Variants in MEX3D observed in about 807,000 individuals in gnomAD.
MEX3D encodes the protein mex-3 RNA binding family member D, also known as RNA-binding protein MEX3D.
MEX3D carries 4 observed loss-of-function variants against 6.3 expected under a neutral mutation model. That is an observed-to-expected ratio of 0.64 (90% CI 0.31 to 1.46). The LOEUF (loss-of-function observed/expected upper bound fraction) is 1.46, where lower values mean the gene tolerates loss of function less well. Ranked by LOEUF, MEX3D falls within the 40% of genes most tolerant of loss-of-function variation. MEX3D has a pLI of 0.07. For missense variants in MEX3D, 1,038 were observed against 994.4 expected, an observed-to-expected ratio of 1.04 and a Z score of -0.59; for synonymous variants, 626 against 494.1, an observed-to-expected ratio of 1.27 and a Z score of -3.54.
In MEX3D at chr19:1,556,309, C is replaced by T. The variant is rs1018758309; in HGVS notation, c.1210G>A (p.Ala404Thr). Reference protein sequence around the residue: ...TALGAPSAPEAFYAGSRGGPS... With the variant: ...TALGAPSAPETFYAGSRGGPS... ...CCGCCGCGGCTGCCCGCGTAGAAGGCCTCGGGGGCGCTGGGGGCGCCCAGG... is the reference window on the plus strand; with the variant it reads ...CCGCCGCGGCTGCCCGCGTAGAAGGTCTCGGGGGCGCTGGGGGCGCCCAGG... Residue 404 changes from alanine (A) to threonine (T), a missense_variant, in exon 2 of 2, where the codon GCC becomes ACC. By Grantham distance (58) the Ala-to-Thr change is moderately conservative (BLOSUM62 0). Coordinates refer to ENST00000402693, the MANE Select transcript of MEX3D (RefSeq NM_203304.4). This position sits in a 1 kb window ranked among gnomAD's most constrained non-coding sequence, Gnocchi z 7.5. 1.5e-6 allele frequency: 2 copies of T among 1,318,472 alleles called. No homozygotes were observed. The highest frequency in any genetic ancestry group is 1.9e-6 in the Non-Finnish European group (2 of 1,038,982). The allele number at this position is 1,318,472 out of a possible 1,614,324, so 81.7% of individuals were successfully genotyped here.
chr19:1,566,142 A>AT (rs1213490080), intron 1 of MEX3D, among the ~76,000 whole-genome samples: 1 of 152,098 alleles, frequency 6.6e-6, no homozygotes, highest in African/African-American at 2.4e-5. Flanking sequence ...CAGTAACAGG[A>AT]TGGTAGGGCG....
intron 1 of MEX3D, among the ~76,000 whole-genome samples, chr19:1,560,398 T>G (rs1914687297): frequency 6.6e-6 from 1 of 152,192 alleles, no homozygotes. Context: ...CTGTTCCCCA[T>G]CACGCCGACC....
intron 1 of MEX3D, among the ~76,000 whole-genome samples, chr19:1,558,824 G>C (rs1259917660): frequency 6.6e-6 from 1 of 152,218 alleles, no homozygotes; most frequent in Non-Finnish European, 1.5e-5. Flanking sequence ...CTGTGGCTTT[G>C]TTCTTGTTGG....
chr19:1,564,717 T>C (rs945174085), intron 1 of MEX3D, among the ~76,000 whole-genome samples: 1 of 151,864 alleles, frequency 6.6e-6, no homozygotes, highest in Non-Finnish European at 1.5e-5. Flanking sequence ...GTGCCAGGCC[T>C]GTGTGACTCT....
intron 1 of MEX3D, among the ~76,000 whole-genome samples, chr19:1,566,776 G>T (rs1568267919): frequency 6.6e-6 from 1 of 152,186 alleles, no homozygotes; most frequent in African/African-American, 2.4e-5. Flanking sequence ...AGAACAATGG[G>T]GCGGCCAGAG....
In MEX3D at chr19:1,556,179, G is replaced by A; in HGVS notation, c.1340C>T (p.Ala447Val). ...EGPGAPVGTAAPDDCDFGFDF... is the reference protein window; with the variant it reads ...EGPGAPVGTAVPDDCDFGFDF... ...GAAGCCGAAGTCGCAGTCGTCGGGG[G>A]CGGCCGTCCCCACCGGGGCACCGGG... The change falls in exon 2 of 2, where the codon GCC becomes GTC. Residue 447 changes from alanine to valine, a missense_variant. Physicochemically the swap from Ala to Val is moderately conservative, Grantham distance 64 (BLOSUM62 0). This residue lies in a region of MEX3D where 581 missense variants were observed against 516.2 expected (regional missense o/e 1.13). Transcript: ENST00000402693. This position sits in a 1 kb window ranked among gnomAD's most constrained non-coding sequence, Gnocchi z 7.5. The A allele has an allele frequency of 4.1e-6, 6 of 1,462,172 alleles. No homozygotes were observed. Among genetic ancestry groups the A allele is most frequent in the Admixed American group, 2.2e-5 (1 of 45,844 alleles). 90.6% of individuals were successfully genotyped at this position (1,462,172 alleles called of 1,614,324 possible).
chr19:1,562,635 C>T (rs558809081), intron 1 of MEX3D, among the ~76,000 whole-genome samples: 12 of 152,086 alleles, frequency 7.9e-5, no homozygotes, highest in Non-Finnish European at 1.6e-4. Context: ...GAGGTTGAGG[C>T]TGCAGTGAGC....
Position 1,556,235 on chromosome 19 carries a change from G to T in MEX3D, c.1284C>A (p.Gly428=). 7.1e-7 allele frequency: 1 copy of T among 1,398,616 alleles called. No homozygotes were observed. The highest frequency in any genetic ancestry group is 9.3e-7 in the Non-Finnish European group (1 of 1,077,774). 86.6% of individuals were successfully genotyped at this position (1,398,616 alleles called of 1,614,324 possible). A position where few individuals can be genotyped will look rare whatever the true frequency, so the allele number is the denominator to read the frequency against. ...CCGCGCCGAAGGCGAAGCCCCCGTT[G>T]CCGGAGCCGCTGTAGGGGCTGGCGG... The part of the protein sequence containing the change: ...PGPASPYSGS[G]NGGFAFGAEG... Residue 428 remains glycine, a synonymous_variant, in exon 2 of 2, where the codon GGC becomes GGA. Coordinates refer to ENST00000402693, the MANE Select transcript of MEX3D (RefSeq NM_203304.4). This position sits in a 1 kb window ranked among gnomAD's most constrained non-coding sequence, Gnocchi z 7.5.
Position 1,555,856 on chromosome 19 carries a change from C to A in MEX3D, c.1663G>T (p.Gly555Cys). The change falls in exon 2 of 2, where the codon GGC (glycine) becomes TGC (cysteine). Residue 555 changes from glycine to cysteine, a missense_variant. Physicochemically the swap from Gly to Cys is radical, Grantham distance 159. Around this residue, in one of 5 missense-constraint regions of MEX3D, gnomAD observed 581 missense variants for 516.2 expected, o/e 1.13. Transcript: ENST00000402693. ...GAGGTGGCCGTGGAGAAGGCGGCGC[C>A]GCCTGGGAAGGATACGGGGCCCTGC... ...PPQGPVSFPG[G>C]AAFSTATSLP... 1 of 1,331,918 alleles carries A rather than the reference C, an allele frequency of 7.5e-7. No homozygotes were observed. The highest frequency in any genetic ancestry group is 1.8e-5 in the South Asian group (1 of 55,616). 82.5% of individuals were successfully genotyped at this position (1,331,918 alleles called of 1,614,324 possible).
In MEX3D at chr19:1,555,299, C is replaced by T; in HGVS notation, c.*264G>A. 2 of 1,577,792 alleles carry T rather than the reference C, an allele frequency of 1.3e-6. No individual in the cohort carries two copies. Among genetic ancestry groups the T allele is most frequent in the South Asian group, 1.1e-5 (1 of 89,068 alleles). On this transcript the variant is annotated 3_prime_UTR_variant, in exon 2 of 2. Coordinates refer to ENST00000402693, the MANE Select transcript of MEX3D (RefSeq NM_203304.4). ...AAAACTAAAAAAAGTGCAAGCGGAC[C>T]TTTTCTCTCCGGTTTATTGTAACCT...
chr19:1,556,084 C>G lies in MEX3D; in HGVS notation c.1435G>C (p.Ala479Pro). ...CCGCTGAAGGCGGGCAAGGGGGCGGCGCGCTCAAAAGGCGCCCAGATGGTG... is the reference window on the plus strand; with the variant it reads ...CCGCTGAAGGCGGGCAAGGGGGCGGGGCGCTCAAAAGGCGCCCAGATGGTG... ...AATIWAPFERAAPLPAFSGCS... is the reference protein window; with the variant it reads ...AATIWAPFERPAPLPAFSGCS... The change falls in exon 2 of 2, where the codon GCC becomes CCC. Residue 479 changes from alanine (A) to proline (P), a missense_variant. By Grantham distance (27) the Ala-to-Pro change is conservative (BLOSUM62 -1). Coordinates refer to ENST00000402693, the MANE Select transcript of MEX3D (RefSeq NM_203304.4). The surrounding 1 kb of genome is among the most constrained non-coding windows in gnomAD (Gnocchi z 7.5). The G allele has an allele frequency of 1.4e-6, 2 of 1,432,918 alleles. No individual in the cohort carries two copies. The highest frequency in any genetic ancestry group is 2.6e-5 in the South Asian group (2 of 78,246). 88.8% of individuals were successfully genotyped at this position (1,432,918 alleles called of 1,614,324 possible). A position where few individuals can be genotyped will look rare whatever the true frequency, so the allele number is the denominator to read the frequency against.
chr19:1,555,651 T>C lies in MEX3D; in HGVS notation c.1868A>G (p.Asp623Gly). 1 of 1,587,430 alleles carries C rather than the reference T, an allele frequency of 6.3e-7. No individual in the cohort carries two copies. The highest frequency in any genetic ancestry group is 8.5e-7 in the Non-Finnish European group (1 of 1,169,820). The change falls in exon 2 of 2, where the codon GAC (aspartate) becomes GGC (glycine). Residue 623 changes from aspartate to glycine, a missense_variant. By Grantham distance (94) the Asp-to-Gly change is moderately conservative. Coordinates refer to ENST00000402693, the MANE Select transcript of MEX3D (RefSeq NM_203304.4). ...CTTGCCGCAGATGCGGACGGCGCAG[T>C]CCATGCAGAAGAGGTTGTGGCCGCA... Reference protein sequence around the residue: ...VPCGHNLFCMDCAVRICGKSE... With the variant: ...VPCGHNLFCMGCAVRICGKSE...
At chr19:1,557,931 T>G (rs1914618199) in intron 1 of MEX3D, among the ~76,000 whole-genome samples, 1 of 119,828 alleles carries the variant, frequency 8.3e-6, no homozygotes, top group African/African-American at 3.3e-5. Flanking sequence ...CGCACGCCTG[T>G]AATCCCAGCC....
In MEX3D at chr19:1,555,594, G is replaced by A. The variant is rs749343553; in HGVS notation, c.1925C>T (p.Pro642Leu). 2 of 1,590,966 alleles carry A rather than the reference G, an allele frequency of 1.3e-6. No individual in the cohort carries two copies. The highest frequency in any genetic ancestry group is 1.7e-6 in the Non-Finnish European group (2 of 1,170,764). ...SEPECPACRT[P>L]ATQAIHIFS ...AAAGATATGAATGGCCTGGGTGGCC[G>A]GCGTGCGGCAGGCGGGACACTCGGG... The change falls in exon 2 of 2, where the codon CCG becomes CTG. Residue 642 changes from proline to leucine, a missense_variant. Transcript: ENST00000402693.
chr19:1,555,259 G>T lies in MEX3D; in HGVS notation c.*304C>A. ...TTAAAGATCACCCTGGAGGGGAGGG[G>T]TGTCTAAAAATAAGAAAACTAAAAA... On this transcript the variant is annotated 3_prime_UTR_variant, in exon 2 of 2. Transcript: ENST00000402693. The T allele has an allele frequency of 4.1e-6, 6 of 1,446,722 alleles. No individual in the cohort carries two copies. The highest frequency in any genetic ancestry group is 1.9e-5 in the Admixed American group (1 of 53,280). The allele number at this position is 1,446,722 out of a possible 1,614,324, so 89.6% of individuals were successfully genotyped here.
At chr19:1,565,955 C>T (rs1369557009) in intron 1 of MEX3D, among the ~76,000 whole-genome samples, 1 of 152,256 alleles carries the variant, frequency 6.6e-6, no homozygotes, top group Non-Finnish European at 1.5e-5. Flanking sequence ...ACAAAGAACA[C>T]AGCCACAGCC....
chr19:1,563,515 G>C (rs183121096), intron 1 of MEX3D, among the ~76,000 whole-genome samples: 1 of 152,184 alleles, frequency 6.6e-6, no homozygotes. Context: ...CCTGGTTCCT[G>C]TCCCTGGGAA....
chr19:1,559,111 C>T (rs1190463632), intron 1 of MEX3D, among the ~76,000 whole-genome samples: 1 of 152,002 alleles, frequency 6.6e-6, no homozygotes, highest in Non-Finnish European at 1.5e-5. Flanking sequence ...CCTCAGCCTC[C>T]AGAGCTGGCA....
chr19:1,556,438 CGTCGGTGCCGTTGGCGTGGAAGTCGCT>C lies in MEX3D; in HGVS notation c.1054_1080del (p.Ser352_Asp360del), dbSNP rs1568264239. 1.9e-6 allele frequency: 3 copies of C among 1,596,234 alleles called. No individual in the cohort carries two copies. Among genetic ancestry groups the C allele is most frequent in the Non-Finnish European group, 2.5e-6 (3 of 1,177,178 alleles). On this transcript the variant is annotated inframe_deletion, in exon 2 of 2. Transcript: ENST00000402693. This position sits in a 1 kb window ranked among gnomAD's most constrained non-coding sequence, Gnocchi z 7.5. The stretch of plus-strand genomic sequence containing the variant: ...GCCGCCCCGAGCAGGTCCAGGCAGA[CGTCGGTGCCGTTGGCGTGGAAGTCGCT>C]GTCGGGGCCCGCGTCGGTGAAGGCG...
Sources: gnomAD v4.1 joint callset for allele counts (sites outside exome capture counted in the v4.1 genomes callset) on GRCh38, gnomAD v4.1.1 for gene constraint, gnomAD v4.1.1 regional missense constraint, Gnocchi (gnomAD v3.1) non-coding constraint, MANE v1.5 for transcripts, NCBI Gene and HGNC (gene_info 2026-07-23, HGNC 2026-07-21) for gene names.